Variants in RAB10 observed in about 807,000 individuals in gnomAD.
RAB10 encodes RAB10, member RAS oncogene family.
Under a neutral mutation model 25.7 loss-of-function variants are expected in RAB10, and 5 were observed. The ratio of observed to expected loss-of-function variants is 0.19; its 90% CI spans 0.10 to 0.41. RAB10 has a LOEUF of 0.41. Ranked by LOEUF, RAB10 falls within the 10% of genes least tolerant of loss-of-function variation. The probability of loss-of-function intolerance (pLI) is 1.00; values close to 1 mark genes in which losing one functional copy is unlikely to be tolerated. For synonymous variants in RAB10, 89 were observed against 86.4 expected (o/e 1.03, Z -0.16); for missense variants, 103 against 245.8 (o/e 0.42, Z 3.89).
chr2:26,076,596 A>G (rs935506455), intron 1 of RAB10, among the ~76,000 whole-genome samples: 15 of 152,308 alleles, frequency 9.8e-5, no homozygotes, highest in African/African-American at 3.1e-4. Context: ...GTTTCATCGC[A>G]GAATCTACTT....
At chr2:26,132,648 C>T (rs1049880059) in intron 5 of RAB10, among the ~76,000 whole-genome samples, 2 of 152,058 alleles carry the variant, frequency 1.3e-5, no homozygotes, top group African/African-American at 4.8e-5. Flanking sequence ...TGGTTATTGG[C>T]CTTTTCTTAT....
intron 1 of RAB10, chr2:26,042,870 T>C (rs1480446787): frequency 1.3e-5 from 2 of 151,938 alleles, no homozygotes; most frequent in African/African-American, 4.8e-5. Flanking sequence ...TCAGCATCAC[T>C]AATAATTAGG....
intron 5 of RAB10, among the ~76,000 whole-genome samples, chr2:26,132,502 C>A (rs1668029685): frequency 6.6e-6 from 1 of 152,230 alleles, no homozygotes. Context: ...ATCTGCCCAC[C>A]TTGGCCTCCC....
chr2:26,044,671 G>T (rs1370687845), intron 1 of RAB10, among the ~76,000 whole-genome samples: 3 of 151,066 alleles, frequency 2.0e-5, no homozygotes, highest in African/African-American at 7.3e-5. Flanking sequence ...TCAACCTCCC[G>T]AGTAGCTGGG....
chr2:26,127,288 C>A, intron 4 of RAB10, 55 bp downstream of exon 4: 1 of 1,289,392 alleles, frequency 7.8e-7, no homozygotes, highest in East Asian at 2.4e-5. Flanking sequence ...GGTAATGCTA[C>A]TTTTGATTAT....
chr2:26,052,422 G>A (rs955483291), intron 1 of RAB10, among the ~76,000 whole-genome samples: 3 of 151,804 alleles, frequency 2.0e-5, no homozygotes, highest in Admixed American at 6.6e-5. Context: ...ACATGGGCAG[G>A]GCTTTTCACT....
At chr2:26,073,823 TA>T (rs1028351608) in intron 1 of RAB10, among the ~76,000 whole-genome samples, 1 of 152,126 alleles carries the variant, frequency 6.6e-6, no homozygotes, top group African/African-American at 2.4e-5. Flanking sequence ...TGAAGAAAAC[TA>T]AAAATGGATG....
chr2:26,058,658 C>G (rs548742320), intron 1 of RAB10, among the ~76,000 whole-genome samples: 3 of 152,262 alleles, frequency 2.0e-5, no homozygotes, highest in African/African-American at 7.2e-5. Flanking sequence ...CTCTTTTGAA[C>G]TTGCCAAGCA....
rs979942900 is a variant in RAB10 at position 26,135,354 on chromosome 2, A to G, written c.*333A>G. The G allele has an allele frequency of 5.2e-6, 1 of 192,796 alleles. No individual in the cohort carries two copies. Among genetic ancestry groups the G allele is most frequent in the Non-Finnish European group, 1.1e-5 (1 of 94,764 alleles). 11.9% of individuals were successfully genotyped at this position (192,796 alleles called of 1,614,324 possible). A position where few individuals can be genotyped will look rare whatever the true frequency, so the allele number is the denominator to read the frequency against. Reference sequence around the variant, plus strand: ...ATTTCAAATCTATTCTGCAAATTGTATAAGAATAAAGTTAGAATTAACAAT... The same window carrying G: ...ATTTCAAATCTATTCTGCAAATTGTGTAAGAATAAAGTTAGAATTAACAAT... On this transcript the variant is annotated 3_prime_UTR_variant, in exon 6 of 6. Transcript: ENST00000264710.
At chr2:26,042,670 C>T (rs954786124) in intron 1 of RAB10, 1 of 151,646 alleles carries the variant, frequency 6.6e-6, no homozygotes, top group East Asian at 1.9e-4. Flanking sequence ...AAAAGACCAT[C>T]CAGAGTGCTT....
In RAB10 at chr2:26,074,805, G is replaced by A. The variant is rs1186553556; in HGVS notation, c.128-23857G>A. Among the ~76,000 whole-genome samples the A allele has an allele frequency of 3.9e-5, 6 of 152,206 alleles. 1 individual carries two copies. Among genetic ancestry groups the A allele is most frequent in the Admixed American group, 1.3e-4 (2 of 15,280 alleles). On this transcript the variant is annotated intron_variant, in intron 1 of 5. Transcript: ENST00000264710. ...AACTCATGTCACTTATTAACCTCGT[G>A]TGCCTGAATAAGTTACTTAACTTCC...
rs554332275 is a variant in RAB10, at chr2:26,072,298, C to T, written c.128-26364C>T. ...GGGCATGGTGGCACCCACCTGTATTCTCAGCTACTCGGGAGGCTGAGGCAG... is the reference window on the plus strand; with the variant it reads ...GGGCATGGTGGCACCCACCTGTATTTTCAGCTACTCGGGAGGCTGAGGCAG... On this transcript the variant is annotated intron_variant, in intron 1 of 5. Coordinates refer to ENST00000264710, the MANE Select transcript of RAB10 (RefSeq NM_016131.5). Among the ~76,000 whole-genome samples, 4 of 152,272 alleles carry T rather than the reference C, an allele frequency of 2.6e-5. No homozygotes were observed. The South Asian group carries it at 8.3e-4, about 32-fold the overall frequency.
intron 2 of RAB10, among the ~76,000 whole-genome samples, chr2:26,108,794 A>C (rs1667514696): frequency 6.6e-6 from 1 of 152,148 alleles, no homozygotes; most frequent in Admixed American, 6.5e-5. Context: ...AATTATTTCA[A>C]AATAAAAGTT....
At chr2:26,057,433 TAA>T (rs779719282) in intron 1 of RAB10, among the ~76,000 whole-genome samples, 5 of 125,420 alleles carry the variant, frequency 4.0e-5, no homozygotes, top group Non-Finnish European at 1.7e-5. Context: ...AGACAGTCTC[TAA>T]AAAAAAAAAA....
At chr2:26,123,982 GC>G (rs1430979529) in intron 3 of RAB10, among the ~76,000 whole-genome samples, 1 of 151,946 alleles carries the variant, frequency 6.6e-6, no homozygotes, top group Non-Finnish European at 1.5e-5. Context: ...CTCCTCCTCA[GC>G]CTACTCAATT....
chr2:26,069,537 G>A (rs1666580430), intron 1 of RAB10, among the ~76,000 whole-genome samples: 1 of 151,574 alleles, frequency 6.6e-6, no homozygotes, highest in Non-Finnish European at 1.5e-5. Context: ...ATGGTGGTGG[G>A]CGCCTGTAAT....
chr2:26,051,639 A>C lies in RAB10; in HGVS notation c.127+16904A>C, dbSNP rs527895472. 1.9e-4 allele frequency among the ~76,000 whole-genome samples: 29 copies of C among 151,496 alleles called. 1 individual carries two copies. The highest frequency in any genetic ancestry group is 7.9e-4 in the Admixed American group (12 of 15,210). ...CGTGGTGGTGAGTGCCTGTAGTCCC[A>C]GCTACTCGGGAGGCTGAGGCAGGAG... On this transcript the variant is annotated intron_variant, in intron 1 of 5. Coordinates refer to ENST00000264710, the MANE Select transcript of RAB10 (RefSeq NM_016131.5).
chr2:26,051,823 T>C (rs533996700), intron 1 of RAB10, among the ~76,000 whole-genome samples: 8 of 150,424 alleles, frequency 5.3e-5, no homozygotes, highest in African/African-American at 1.7e-4. Context: ...TTTGGGAGGC[T>C]GAGGCAGGCG....
chr2:26,036,929 G>C (rs1665775316), intron 1 of RAB10, among the ~76,000 whole-genome samples: 1 of 151,914 alleles, frequency 6.6e-6, no homozygotes, highest in African/African-American at 2.4e-5. Flanking sequence ...AGAGACTACA[G>C]GTGCCCACCA....
Sources: allele counts gnomAD v4.1 joint callset (sites outside exome capture counted in the v4.1 genomes callset), GRCh38; gene constraint gnomAD v4.1.1; transcripts MANE v1.5; gene names NCBI Gene and HGNC (gene_info 2026-07-23, HGNC 2026-07-21).